Variants in ZRSR2 observed in about 807,000 individuals in gnomAD.
The protein encoded by ZRSR2 is zinc finger CCCH-type, RNA binding motif and serine/arginine rich 2.
Under a neutral mutation model 39.4 loss-of-function variants are expected in ZRSR2, and 3 were observed. The ratio of observed to expected loss-of-function variants is 0.08; its 90% CI spans 0.03 to 0.20. ZRSR2 has a LOEUF of 0.20. ZRSR2 is among the 10% of genes least tolerant of loss of function. The pLI is 1.00. For synonymous variants in ZRSR2, 137 were observed against 136.0 expected (o/e 1.01, Z -0.05); for missense variants, 256 against 391.5 (o/e 0.65, Z 2.92).
intron 8 of ZRSR2, 81 bp downstream of exon 8, chrX:15,815,971 C>T (rs1368729584): frequency 3.6e-6 from 3 of 834,618 alleles, no homozygotes; most frequent in East Asian, 3.3e-5. Context: ...GACACAGGCT[C>T]AGCTGGGGTC....
chrX:15,810,577 T>C lies in ZRSR2; in HGVS notation c.557+1259T>C, dbSNP rs1447354033. Among the ~76,000 whole-genome samples the C allele has an allele frequency of 4.5e-5, 5 of 111,029 alleles. No homozygotes were observed. In the East Asian group the frequency reaches 1.4e-3, roughly 31 times the overall value. On this transcript the variant is annotated intron_variant, in intron 7 of 10. Coordinates refer to ENST00000307771, the MANE Select transcript of ZRSR2 (RefSeq NM_005089.4). Reference sequence around the variant, plus strand: ...TTCTTCTTCTTTGAAAATATATCCTTCTCTATGGTTCTCTCCTTTTTCTTT... The same window carrying C: ...TTCTTCTTCTTTGAAAATATATCCTCCTCTATGGTTCTCTCCTTTTTCTTT...
At position 15,818,656 on chromosome X, in the gene ZRSR2, T is replaced by C; in HGVS notation, c.827+14T>C. 8.5e-7 allele frequency: 1 copy of C among 1,176,621 alleles called. No homozygotes were observed. Among genetic ancestry groups the C allele is most frequent in the African/African-American group, 1.8e-5 (1 of 56,633 alleles). ...TCAGTACCAGTCGTAAGTATTCTGC[T>C]TGTGGATGTCTTCCTGATTTGTCAC... On this transcript the variant is annotated intron_variant, in intron 9 of 10. Transcript: ENST00000307771.
rs748847910 is a variant in ZRSR2, at chrX:15,793,219, T to G, written c.121+2206T>G. On this transcript the variant is annotated intron_variant, in intron 2 of 10. Transcript: ENST00000307771. ...AAATATTATATATTCTAAATTTGTTTTAACTTCTTTCTCTTTTTCTTTTCC... is the reference window on the plus strand; with the variant it reads ...AAATATTATATATTCTAAATTTGTTGTAACTTCTTTCTCTTTTTCTTTTCC... Among the ~76,000 whole-genome samples the G allele has an allele frequency of 5.3e-5, 6 of 112,420 alleles. No individual in the cohort carries two copies. The South Asian group carries it at 2.2e-3, about 41-fold the overall frequency.
At chrX:15,808,049 A>C (rs982640429) in intron 5 of ZRSR2, among the ~76,000 whole-genome samples, 184 bp from the exon 6 acceptor site, 2 of 107,299 alleles carry the variant, frequency 1.9e-5, no homozygotes, top group African/African-American at 6.8e-5. Flanking sequence ...CAAAAAAAAA[A>C]GAGAAAAGTC....
chrX:15,814,574 G>A lies in ZRSR2; in HGVS notation c.558-1103G>A, dbSNP rs781107762. Among the ~76,000 whole-genome samples the A allele has an allele frequency of 2.7e-5, 3 of 112,345 alleles. No homozygotes were observed. In the South Asian group the frequency reaches 1.1e-3, roughly 41 times the overall value. The stretch of plus-strand genomic sequence containing the variant: ...AGCCCGGGGAATTCAAGGTTGCAGT[G>A]AAGTATGATCATACCATTGCACTCC... On this transcript the variant is annotated intron_variant, in intron 7 of 10. Transcript: ENST00000307771.
At chrX:15,795,893 C>T (rs1932437354) in intron 2 of ZRSR2, among the ~76,000 whole-genome samples, 1 of 112,017 alleles carries the variant, frequency 8.9e-6, no homozygotes, top group African/African-American at 3.2e-5. Context: ...GAGGCCAAGG[C>T]GGGTGGATCA....
Position 15,818,654 on chromosome X carries a change from G to A in ZRSR2, c.827+12G>A. 1 of 1,175,248 alleles carries A rather than the reference G, an allele frequency of 8.5e-7. No individual in the cohort carries two copies. Among genetic ancestry groups the A allele is most frequent in the South Asian group, 1.9e-5 (1 of 52,427 alleles). On this transcript the variant is annotated intron_variant, in intron 9 of 10. Coordinates refer to ENST00000307771, the MANE Select transcript of ZRSR2 (RefSeq NM_005089.4). ...GTTCAGTACCAGTCGTAAGTATTCT[G>A]CTTGTGGATGTCTTCCTGATTTGTC...
chrX:15,794,196 A>G (rs1932373471), intron 2 of ZRSR2, among the ~76,000 whole-genome samples: 1 of 111,399 alleles, frequency 9.0e-6, no homozygotes, highest in Non-Finnish European at 1.9e-5. Flanking sequence ...AAATGCTCCA[A>G]TGAGCATTTC....
intron 2 of ZRSR2, among the ~76,000 whole-genome samples, chrX:15,791,710 G>A (rs1411826097): frequency 1.0e-5 from 1 of 96,697 alleles, no homozygotes; most frequent in Non-Finnish European, 2.0e-5. Context: ...AGGCTGGAGT[G>A]CAGTGGCACG....
rs1932762132 is a variant in ZRSR2, at chrX:15,804,628, A to T, written c.399+431A>T. ...GCTAGCCCTTGCTTTATAGCAAGTT[A>T]TGTTCTTCTGAGGTTCTGCTGTATA... On this transcript the variant is annotated intron_variant, in intron 5 of 10. Transcript: ENST00000307771. Among the ~76,000 whole-genome samples, 6 of 112,014 alleles carry T rather than the reference A, an allele frequency of 5.4e-5. No homozygotes were observed. The South Asian group carries it at 2.2e-3, about 41-fold the overall frequency.
At chrX:15,802,498 C>T (rs1251189049) in intron 3 of ZRSR2, among the ~76,000 whole-genome samples, 2 of 112,811 alleles carry the variant, frequency 1.8e-5, no homozygotes, top group East Asian at 5.6e-4. Flanking sequence ...CTCGCTCTGT[C>T]ACCCAGGCTG....
intron 2 of ZRSR2, among the ~76,000 whole-genome samples, chrX:15,797,208 CTTT>C (rs150083525): frequency 1.0e-5 from 1 of 95,704 alleles, no homozygotes. Flanking sequence ...TCTGCATTAA[CTTT>C]TTTTTTTTTT....
chrX:15,807,056 T>A (rs1932796521), intron 5 of ZRSR2, among the ~76,000 whole-genome samples: 1 of 111,807 alleles, frequency 8.9e-6, no homozygotes, highest in Admixed American at 9.5e-5. Context: ...ATACGAGTCT[T>A]ATGTAATGCT....
At chrX:15,804,713 A>C (rs1189078324) in intron 5 of ZRSR2, among the ~76,000 whole-genome samples, 1 of 112,040 alleles carries the variant, frequency 8.9e-6, no homozygotes, top group East Asian at 2.8e-4. Flanking sequence ...TTAGGTCATA[A>C]GAGAACTGCT....
chrX:15,795,274 C>T (rs1569063542), intron 2 of ZRSR2, among the ~76,000 whole-genome samples: 1 of 110,761 alleles, frequency 9.0e-6, no homozygotes, highest in Non-Finnish European at 1.9e-5. Context: ...TCTTTACACA[C>T]TTTCTTGATA....
chrX:15,796,817 A>G (rs1932484744), intron 2 of ZRSR2, among the ~76,000 whole-genome samples: 1 of 69,905 alleles, frequency 1.4e-5, no homozygotes, highest in Admixed American at 2.3e-4. Context: ...TTTTTGAGAC[A>G]GAGTCTCGCT....
chrX:15,818,126 A>G (rs979419151), intron 8 of ZRSR2, among the ~76,000 whole-genome samples: 6 of 110,599 alleles, frequency 5.4e-5, no homozygotes, highest in Non-Finnish European at 5.7e-5. Context: ...GTGTAGGTCT[A>G]TGTATGTATA....
intron 7 of ZRSR2, among the ~76,000 whole-genome samples, chrX:15,813,133 G>C (rs1056962522): frequency 1.8e-5 from 2 of 112,150 alleles, no homozygotes; most frequent in African/African-American, 3.2e-5. Context: ...AAAAAGAGGA[G>C]TAGTCAGTTA....
At chrX:15,798,885 G>A (rs922182926) in intron 2 of ZRSR2, among the ~76,000 whole-genome samples, 1 of 111,483 alleles carries the variant, frequency 9.0e-6, no homozygotes, top group Admixed American at 9.6e-5. Context: ...GCTAACTGTG[G>A]TTAAGGTGTT....
Sources: allele counts gnomAD v4.1 joint callset (sites outside exome capture counted in the v4.1 genomes callset), GRCh38; gene constraint gnomAD v4.1.1; transcripts MANE v1.5; gene names NCBI Gene and HGNC (gene_info 2026-07-23, HGNC 2026-07-21).